The following EVC2 variants were observed in gnomAD, a reference collection of about 807,000 sequenced individuals.
The protein encoded by EVC2 is limbin.
Under a neutral mutation model 149.3 loss-of-function variants are expected in EVC2, and 148 were observed. The ratio of observed to expected loss-of-function variants is 0.99; its 90% CI spans 0.87 to 1.14. The LOEUF (loss-of-function observed/expected upper bound fraction) is 1.14, where lower values mean the gene tolerates loss of function less well. EVC2 is among the 50% of genes most tolerant of loss of function. The pLI, the probability that EVC2 is intolerant of heterozygous loss-of-function variation, is 0.00. For missense variants in EVC2, 1,854 were observed against 1,627.3 expected, an observed-to-expected ratio of 1.14 and a Z score of -2.40; for synonymous variants, 776 against 649.9, an observed-to-expected ratio of 1.19 and a Z score of -2.95.
intron 16 of EVC2, among the ~76,000 whole-genome samples, chr4:5,593,103 G>C (rs1022821719): frequency 1.3e-5 from 2 of 152,108 alleles, no homozygotes; most frequent in Non-Finnish European, 2.9e-5. Context: ...TGCCATGATT[G>C]TAAGTTTCTT....
At chr4:5,707,712 G>C (rs773744945) in intron 1 of EVC2, among the ~76,000 whole-genome samples, 2 of 152,044 alleles carry the variant, frequency 1.3e-5, no homozygotes, top group Non-Finnish European at 2.9e-5. Context: ...CAGCTTTGTC[G>C]GGGGAGGTCA....
At chr4:5,554,644 G>GTCTC (rs1007868555) in intron 21 of EVC2, among the ~76,000 whole-genome samples, 12 of 152,194 alleles carry the variant, frequency 7.9e-5, no homozygotes, top group African/African-American at 2.9e-4. Flanking sequence ...AGTCTTTCCT[G>GTCTC]TCTCACTTGA....
intron 18 of EVC2, 29 bp from the exon 19 acceptor site, chr4:5,574,801 T>G (rs746600718): frequency 4.4e-6 from 7 of 1,605,548 alleles, no homozygotes; most frequent in Non-Finnish European, 6.0e-6. Context: ...ATACGTAAGT[T>G]CAGTTTTGTT....
chr4:5,589,682 G>T (rs1188462615), intron 16 of EVC2, among the ~76,000 whole-genome samples: 1 of 152,090 alleles, frequency 6.6e-6, no homozygotes, highest in African/African-American at 2.4e-5. Flanking sequence ...ATTTCTTAGG[G>T]ATCAGTTTTG....
At chr4:5,708,141 C>G in intron 1 of EVC2, 145 bp downstream of exon 1, 1 of 691,032 alleles carries the variant, frequency 1.4e-6, no homozygotes, top group Admixed American at 4.1e-5. Flanking sequence ...CGGGATACAC[C>G]TAAGGGCCGC....
At position 5,677,741 on chromosome 4, in the gene EVC2, T is replaced by C. The variant is rs1231145701; in HGVS notation, c.870+3519A>G. Among the ~76,000 whole-genome samples the C allele has an allele frequency of 6.6e-6, 1 of 152,206 alleles. No individual in the cohort carries two copies. The highest frequency in any genetic ancestry group is 1.5e-5 in the Non-Finnish European group (1 of 68,048). ...CGACAATAAGCTCAATCACGGGATA[T>C]TTACCTGTTGAGTGCCACCTACAAT... is the stretch of plus-strand genomic sequence containing the variant. On this transcript the variant is annotated intron_variant, in intron 7 of 21. Transcript: ENST00000344408. The surrounding 1 kb of genome is among the most constrained non-coding windows in gnomAD (Gnocchi z 4.3).
At chr4:5,590,380 A>G (rs987699322) in intron 16 of EVC2, among the ~76,000 whole-genome samples, 3 of 152,206 alleles carry the variant, frequency 2.0e-5, no homozygotes, top group African/African-American at 7.2e-5. Flanking sequence ...CTGTTGGCCA[A>G]GGAGACCCCA....
At chr4:5,658,873 C>T (rs1020911864) in intron 9 of EVC2, among the ~76,000 whole-genome samples, 2 of 152,184 alleles carry the variant, frequency 1.3e-5, no homozygotes, top group Admixed American at 6.5e-5. Flanking sequence ...GGAGCTAAAA[C>T]ATGCTCGGCA....
Position 5,569,366 on chromosome 4 carries a change from G to A in EVC2, c.3361-726C>T, listed in dbSNP as rs980478787. ...AGGATAAAATGACAGAGAACTATACGTACATTTTATATCGATGTCAACTTC... is the reference window on the plus strand; with the variant it reads ...AGGATAAAATGACAGAGAACTATACATACATTTTATATCGATGTCAACTTC... On this transcript the variant is annotated intron_variant, in intron 19 of 21. Coordinates refer to ENST00000344408, the MANE Select transcript of EVC2 (RefSeq NM_147127.5). The surrounding 1 kb of genome is among the most constrained non-coding windows in gnomAD (Gnocchi z 4.8). Among the ~76,000 whole-genome samples the A allele has an allele frequency of 6.6e-6, 1 of 152,196 alleles. No individual in the cohort carries two copies. Among genetic ancestry groups the A allele is most frequent in the Non-Finnish European group, 1.5e-5 (1 of 68,040 alleles).
chr4:5,684,098 G>A (rs987282013), intron 6 of EVC2, among the ~76,000 whole-genome samples: 2 of 151,980 alleles, frequency 1.3e-5, no homozygotes, highest in African/African-American at 4.8e-5. Context: ...AATTTACTTG[G>A]TTTCCTGCCT....
Position 5,625,748 on chromosome 4 carries a change from C to G in EVC2, c.2046+1G>C, listed in dbSNP as rs762947212. On this transcript the variant is annotated splice_donor_variant, in intron 13 of 21. Coordinates refer to ENST00000344408, the MANE Select transcript of EVC2 (RefSeq NM_147127.5). LOFTEE classifies it high-confidence loss of function. This position sits in a 1 kb window ranked among gnomAD's most constrained non-coding sequence, Gnocchi z 4.0. ...AATAAATAGCATCATGCCTTATATA[C>G]CTTTTGTAGCAACTCTCGTCTTCTC... The G allele has an allele frequency of 1.2e-6, 2 of 1,614,110 alleles. No homozygotes were observed. The highest frequency in any genetic ancestry group is 1.7e-6 in the Non-Finnish European group (2 of 1,180,028).
At position 5,567,359 on chromosome 4, in the gene EVC2, G is replaced by A. The variant is rs1200703278; in HGVS notation, c.3557+1085C>T. Among the ~76,000 whole-genome samples the A allele has an allele frequency of 6.6e-6, 1 of 152,208 alleles. No homozygotes were observed. The highest frequency in any genetic ancestry group is 1.9e-4 in the East Asian group (1 of 5,180). On this transcript the variant is annotated intron_variant, in intron 20 of 21. Transcript: ENST00000344408. The surrounding 1 kb of genome is among the most constrained non-coding windows in gnomAD (Gnocchi z 4.4). ...CTTGGATTTTGGGGTCAGATACTCT[G>A]ATAAAAAGTATCTCTGATAAGGAAA...
chr4:5,689,173 G>A lies in EVC2; in HGVS notation c.690C>T (p.Ser230=), dbSNP rs200743695. ...TGCTGTTACCTTGCAGAAACTTCTT[G>A]CTAAAAGCCTGGAATCCTTCCGAGG... ...NRTSEGFQAF[S]KKFLQVGDAF... The change falls in exon 5 of 22, where the codon AGC becomes AGT. Residue 230 remains serine (S), a synonymous_variant. Coordinates refer to ENST00000344408, the MANE Select transcript of EVC2 (RefSeq NM_147127.5). 1 of 1,614,032 alleles carries A rather than the reference G, an allele frequency of 6.2e-7. No homozygotes were observed. Among genetic ancestry groups the A allele is most frequent in the Non-Finnish European group, 8.5e-7 (1 of 1,180,030 alleles).
In EVC2 at chr4:5,689,353, AAGG is replaced by A. The variant is rs1423321741; in HGVS notation, c.520-13_520-11del. 1 of 1,613,890 alleles carries A rather than the reference AAGG, an allele frequency of 6.2e-7. No homozygotes were observed. Among genetic ancestry groups the A allele is most frequent in the Non-Finnish European group, 8.5e-7 (1 of 1,180,004 alleles). ...CACTCGACCCAGACACCTAGGGCAG[AAGG>A]AGAAGGCATGAGGGCAGATTTGCTG... On this transcript the variant is annotated splice_polypyrimidine_tract_variant and intron_variant, in intron 4 of 21. Transcript: ENST00000344408.
chr4:5,708,328 G>T lies in EVC2; in HGVS notation c.186C>A (p.Ile62=). The part of the protein sequence containing the change: ...VAPRSGPGLR[I]PPGRSGAGPE... ...GCCCCGCCCCGCTCCGCCCCGGAGG[G>T]ATCCTCAGGCCGGGCCCAGACCTAG... is the stretch of plus-strand genomic sequence containing the variant. The change falls in exon 1 of 22, where the codon ATC becomes ATA. Residue 62 remains isoleucine (I), a synonymous_variant. Coordinates refer to ENST00000344408, the MANE Select transcript of EVC2 (RefSeq NM_147127.5). 1.4e-6 allele frequency: 2 copies of T among 1,469,922 alleles called. No homozygotes were observed. Among genetic ancestry groups the T allele is most frequent in the Non-Finnish European group, 1.8e-6 (2 of 1,116,574 alleles). 91.1% of individuals were successfully genotyped at this position (1,469,922 alleles called of 1,614,324 possible).
chr4:5,686,095 T>TACAC lies in EVC2; in HGVS notation c.707-620_707-617dup, dbSNP rs67802779. 6.7e-3 allele frequency among the ~76,000 whole-genome samples: 89 copies of TACAC among 13,264 alleles called. 1 individual carries two copies. Among genetic ancestry groups the TACAC allele is most frequent in the African/African-American group, 0.023 (77 of 3,386 alleles). 8.7% of individuals were successfully genotyped at this position (13,264 alleles called of 152,430 possible). On this transcript the variant is annotated intron_variant, in intron 5 of 21. Transcript: ENST00000344408. The surrounding 1 kb of genome is among the most constrained non-coding windows in gnomAD (Gnocchi z 5.4). ...AACATATATACACACACATATATATTACACACACACACACACACACACACA... is the reference window on the plus strand; with the variant it reads ...AACATATATACACACACATATATATTACACACACACACACACACACACACACACA...
At position 5,568,530 on chromosome 4, in the gene EVC2, G is replaced by C. The variant is rs1722451421; in HGVS notation, c.3471C>G (p.Ala1157=). The part of the protein sequence containing the change: ...LPTASQPQLL[A]LLDSATERHV... ...GTCTCTCGGTGGCCGAATCCAGCAG[G>C]GCCAGCAGCTGAGGCTGTGAGGCTG... Residue 1157 remains alanine (A), a synonymous_variant, in exon 20 of 22, where the codon GCC becomes GCG. Transcript: ENST00000344408. 3 of 1,588,128 alleles carry C rather than the reference G, an allele frequency of 1.9e-6. No homozygotes were observed. The East Asian group carries it at 6.8e-5, about 36-fold the overall frequency.
At chr4:5,589,051 T>C (rs979813338) in intron 16 of EVC2, among the ~76,000 whole-genome samples, 15 of 152,268 alleles carry the variant, frequency 9.9e-5, no homozygotes, top group African/African-American at 3.1e-4. Flanking sequence ...ATTTGTCTCA[T>C]GCCTGGTACT....
At chr4:5,708,136 T>C in intron 1 of EVC2, 150 bp downstream of exon 1, 1 of 633,290 alleles carries the variant, frequency 1.6e-6, no homozygotes, top group Non-Finnish European at 2.4e-6. Context: ...GTGAGCGGGA[T>C]ACACCTAAGG....
Sources: allele counts gnomAD v4.1 joint callset (sites outside exome capture counted in the v4.1 genomes callset), GRCh38; gene constraint gnomAD v4.1.1; non-coding constraint Gnocchi (gnomAD v3.1); transcripts MANE v1.5; gene names NCBI Gene and HGNC (gene_info 2026-07-23, HGNC 2026-07-21).